Variants in PDZD8 observed in about 807,000 individuals in gnomAD.
PDZD8 encodes the protein PDZ domain containing 8.
A neutral mutation model predicts 85.8 loss-of-function variants in PDZD8; 14 were observed. The observed-to-expected ratio is 0.16, with a 90% CI of 0.11 to 0.26. PDZD8 has a LOEUF of 0.26. Among genes scored for constraint, PDZD8 ranks in the 10% least tolerant of loss-of-function variants. The probability of loss-of-function intolerance (pLI) is 1.00; values close to 1 mark genes in which losing one functional copy is unlikely to be tolerated. For missense variants in PDZD8, 1,197 were observed against 1,424.3 expected (o/e 0.84, Z 2.57); for synonymous variants, 592 against 568.6 (o/e 1.04, Z -0.59).
At position 117,375,191 on chromosome 10, in the gene PDZD8, G is replaced by T. The variant is rs200444410; in HGVS notation, c.37C>A (p.Leu13Met). 1.2e-4 allele frequency: 192 copies of T among 1,565,840 alleles called. No individual in the cohort carries two copies. The highest frequency in any genetic ancestry group is 3.6e-5 in the Non-Finnish European group (42 of 1,161,754). ...LLLMILASAVLGSFLTLLAQF... is the reference protein window; with the variant it reads ...LLLMILASAVMGSFLTLLAQF... ...GCGAGGAGCGTGAGGAAGGAACCCA[G>T]CACGGCCGACGCCAGGATCATGAGC... The change falls in exon 1 of 5, where the codon CTG (leucine) becomes ATG (methionine). Residue 13 changes from leucine to methionine, a missense_variant. Physicochemically the swap from Leu to Met is conservative, Grantham distance 15 (BLOSUM62 2). Transcript: ENST00000334464.
intron 1 of PDZD8, among the ~76,000 whole-genome samples, chr10:117,362,023 C>A (rs1444103100): frequency 1.3e-5 from 2 of 152,102 alleles, no homozygotes; most frequent in Admixed American, 6.5e-5. Context: ...ACCAATCCCC[C>A]TTGGATACTG....
chr10:117,332,152 T>A (rs137870502), intron 2 of PDZD8, among the ~76,000 whole-genome samples: 6 of 152,194 alleles, frequency 3.9e-5, no homozygotes, highest in Non-Finnish European at 7.3e-5. Context: ...TTTAAAGACT[T>A]TGAGGAATAA....
At chr10:117,303,006 T>C (rs1843873185) in intron 3 of PDZD8, among the ~76,000 whole-genome samples, 1 of 152,160 alleles carries the variant, frequency 6.6e-6, no homozygotes, top group Admixed American at 6.6e-5. Context: ...ATACAGTAAA[T>C]TGGTACCATT....
intron 2 of PDZD8, among the ~76,000 whole-genome samples, chr10:117,329,967 G>GGGAAGGAAGGAA (rs1202100897): frequency 3.5e-5 from 2 of 57,116 alleles, no homozygotes; most frequent in Non-Finnish European, 6.7e-5. Flanking sequence ...GAGGGAGGAA[G>GGGAAGGAAGGAA]GGAAGGAAGG....
intron 3 of PDZD8, among the ~76,000 whole-genome samples, chr10:117,296,939 G>A (rs1843768397): frequency 6.6e-6 from 1 of 151,900 alleles, no homozygotes; most frequent in African/African-American, 2.4e-5. Context: ...GTTATAAAAT[G>A]GACTTCATAA....
At chr10:117,341,827 A>C (rs1844618327) in intron 1 of PDZD8, among the ~76,000 whole-genome samples, 1 of 152,266 alleles carries the variant, frequency 6.6e-6, no homozygotes, top group South Asian at 2.1e-4. Context: ...TATTACAGAC[A>C]GTGATTAGTA....
At chr10:117,292,993 T>C (rs1305375581) in intron 3 of PDZD8, among the ~76,000 whole-genome samples, 1 of 152,016 alleles carries the variant, frequency 6.6e-6, no homozygotes, top group African/African-American at 2.4e-5. Context: ...CAGCATTCCC[T>C]GAAATGAAAA....
At chr10:117,334,584 A>G (rs997542368) in intron 2 of PDZD8, among the ~76,000 whole-genome samples, 5 of 152,174 alleles carry the variant, frequency 3.3e-5, no homozygotes, top group African/African-American at 1.2e-4. Flanking sequence ...CAATGCAGCC[A>G]TTATATATAT....
rs963869245 is a variant in PDZD8 at position 117,283,259 on chromosome 10, A to T, written c.*9T>A. Reference sequence around the variant, plus strand: ...CCTGTTCATTTGAAAGCTTAAATAGACCTGTCTGCTACACAGACTCGGATG... The same window carrying T: ...CCTGTTCATTTGAAAGCTTAAATAGTCCTGTCTGCTACACAGACTCGGATG... On this transcript the variant is annotated 3_prime_UTR_variant, in exon 5 of 5. Transcript: ENST00000334464. 1.3e-6 allele frequency: 2 copies of T among 1,595,606 alleles called. No individual in the cohort carries two copies.
At chr10:117,324,815 G>T (rs1844287449) in intron 2 of PDZD8, among the ~76,000 whole-genome samples, 1 of 152,174 alleles carries the variant, frequency 6.6e-6, no homozygotes, top group East Asian at 1.9e-4. Context: ...CAGATTTAAA[G>T]AAACTTTTTT....
chr10:117,342,421 CACACACAT>C (rs900791811), intron 1 of PDZD8, among the ~76,000 whole-genome samples: 35 of 148,984 alleles, frequency 2.3e-4, no homozygotes, highest in East Asian at 1.4e-3. Flanking sequence ...CACACACACA[CACACACAT>C]AGTCAAAAGT....
chr10:117,322,436 G>A (rs996006794), intron 2 of PDZD8, among the ~76,000 whole-genome samples: 1 of 152,124 alleles, frequency 6.6e-6, no homozygotes, highest in Non-Finnish European at 1.5e-5. Context: ...TGATCTCTGT[G>A]GTTTGGGGTT....
intron 3 of PDZD8, among the ~76,000 whole-genome samples, chr10:117,315,587 C>CAAAAAAAA (rs35866840): frequency 5.5e-4 from 23 of 42,058 alleles, no homozygotes; most frequent in Admixed American, 8.0e-4. Flanking sequence ...TAGACTCTCT[C>CAAAAAAAA]AAAAAAAAAA....
chr10:117,289,826 C>T (rs1460863934), intron 4 of PDZD8, among the ~76,000 whole-genome samples: 1 of 152,102 alleles, frequency 6.6e-6, no homozygotes, highest in African/African-American at 2.4e-5. Context: ...TTCAGAGTAG[C>T]AATGGTGGTA....
chr10:117,327,186 G>C (rs1388539674), intron 2 of PDZD8, among the ~76,000 whole-genome samples: 2 of 152,170 alleles, frequency 1.3e-5, no homozygotes, highest in Non-Finnish European at 2.9e-5. Context: ...AACTGGCAAT[G>C]CAGAATGATA....
chr10:117,357,922 A>T (rs1844928263), intron 1 of PDZD8, among the ~76,000 whole-genome samples: 1 of 152,044 alleles, frequency 6.6e-6, no homozygotes, highest in Admixed American at 6.6e-5. Flanking sequence ...TATGAGCGCT[A>T]CATACTTAGT....
At position 117,374,410 on chromosome 10, in the gene PDZD8, T is replaced by C. The variant is rs751452888; in HGVS notation, c.818A>G (p.Asn273Ser). The change falls in exon 1 of 5, where the codon AAC becomes AGC. Residue 273 changes from asparagine to serine, a missense_variant. Physicochemically the swap from Asn to Ser is conservative, Grantham distance 46. This residue lies in a region of PDZD8 where 344 missense variants were observed against 453.6 expected (regional missense o/e 0.76). Coordinates refer to ENST00000334464, the MANE Select transcript of PDZD8 (RefSeq NM_173791.5). The surrounding 1 kb of genome is among the most constrained non-coding windows in gnomAD (Gnocchi z 7.8). Reference protein sequence around the residue: ...PMPQLTSIIVNQLKKIIKRKH... With the variant: ...PMPQLTSIIVSQLKKIIKRKH... Reference sequence around the variant, plus strand: ...GCGCTTGATGATCTTCTTGAGCTGGTTGACGATGATGGAGGTGAGCTGGGG... The same window carrying C: ...GCGCTTGATGATCTTCTTGAGCTGGCTGACGATGATGGAGGTGAGCTGGGG... 137 of 1,614,202 alleles carry C rather than the reference T, an allele frequency of 8.5e-5. No individual in the cohort carries two copies. The highest frequency in any genetic ancestry group is 1.6e-4 in the Middle Eastern group (1 of 6,062).
intron 1 of PDZD8, among the ~76,000 whole-genome samples, chr10:117,350,891 GAA>G (rs11315947): frequency 3.8e-4 from 48 of 127,658 alleles, no homozygotes; most frequent in Admixed American, 5.5e-4. Flanking sequence ...GTGACAAAGT[GAA>G]AAAAAAAAAA....
At chr10:117,350,847 T>C (rs2133863030) in intron 1 of PDZD8, among the ~76,000 whole-genome samples, 1 of 143,836 alleles carries the variant, frequency 7.0e-6, no homozygotes, top group South Asian at 2.2e-4. Flanking sequence ...GAGCTTGCAG[T>C]AAGCAGAGAT....
Sources: gnomAD v4.1 joint callset for allele counts (sites outside exome capture counted in the v4.1 genomes callset) on GRCh38, gnomAD v4.1.1 for gene constraint, gnomAD v4.1.1 regional missense constraint, Gnocchi (gnomAD v3.1) non-coding constraint, MANE v1.5 for transcripts, NCBI Gene and HGNC (gene_info 2026-07-23, HGNC 2026-07-21) for gene names.